Variants in MILR1 observed in about 807,000 individuals in gnomAD.
MILR1 encodes the protein allergin-1.
Under a neutral mutation model 18.5 loss-of-function variants are expected in MILR1, and 31 were observed. That is an observed-to-expected ratio of 1.68 (90% CI 1.26 to 2.26). The LOEUF is 2.26. Ranked by LOEUF, MILR1 falls within the 30% of genes most tolerant of loss-of-function variation. The pLI is 0.00. For synonymous variants in MILR1, 85 were observed against 56.2 expected (o/e 1.51, Z -2.30); for missense variants, 257 against 157.4 (o/e 1.63, Z -3.38).
intron 2 of MILR1, among the ~76,000 whole-genome samples, chr17:64,452,084 T>TTG (rs1397585658): frequency 7.4e-6 from 1 of 134,448 alleles, no homozygotes; most frequent in Admixed American, 7.1e-5. Flanking sequence ...CCAGCTATGT[T>TTG]TTTTTTTTTT....
At chr17:64,472,465 CAAAAAAAAAAAAAA>C (rs71158332), downstream of MILR1, among the ~76,000 whole-genome samples, 33 of 13,924 alleles carry the variant, frequency 2.4e-3, 1 homozygote, top group East Asian at 0.11. Flanking sequence ...GACTCCATCT[CAAAAAAAAAAAAAA>C]AAAAAAAAAA....
chr17:64,475,798 C>T, the MILR1 span, among the ~76,000 whole-genome samples: 1 of 148,886 alleles, frequency 6.7e-6, no homozygotes, highest in Non-Finnish European at 1.5e-5. Flanking sequence ...ACAGACACTA[C>T]TACCACTTCC....
At chr17:64,495,213 T>C in the MILR1 span, among the ~76,000 whole-genome samples, 10 of 148,730 alleles carry the variant, frequency 6.7e-5, no homozygotes, top group Non-Finnish European at 1.3e-4. Flanking sequence ...ATCTGGGCAC[T>C]AGGTGTGCTC....
chr17:64,465,328 T>A, intron 5 of MILR1, 124 bp from the exon 6 acceptor site: 1 of 688,034 alleles, frequency 1.5e-6, no homozygotes, highest in Non-Finnish European at 2.6e-6. Context: ...AGACAACAGT[T>A]TGGGCCATTG....
chr17:64,455,013 A>G (rs1256188820), intron 3 of MILR1, among the ~76,000 whole-genome samples: 1 of 152,102 alleles, frequency 6.6e-6, no homozygotes, highest in Admixed American at 6.6e-5. Flanking sequence ...GAAAAAAAAA[A>G]TCCCAATGAT....
At chr17:64,478,505 A>G in the MILR1 span, among the ~76,000 whole-genome samples, 4 of 152,338 alleles carry the variant, frequency 2.6e-5, no homozygotes, top group Admixed American at 6.5e-5. Flanking sequence ...AAGTCACACT[A>G]TCTCATTACT....
chr17:64,453,989 G>C (rs943390487), intron 3 of MILR1, among the ~76,000 whole-genome samples: 30 of 152,004 alleles, frequency 2.0e-4, no homozygotes, highest in Non-Finnish European at 3.1e-4. Flanking sequence ...GAGTGCAGTG[G>C]TGCGATCTCA....
chr17:64,496,796 T>C, the MILR1 span: 1 of 1,613,852 alleles, frequency 6.2e-7, no homozygotes. Flanking sequence ...CCCGGGGGCT[T>C]CTGGGTGCTC....
chr17:64,485,395 T>C, the MILR1 span: 1 of 304,248 alleles, frequency 3.3e-6, no homozygotes, highest in South Asian at 3.2e-5. Flanking sequence ...GATCCGGGTC[T>C]TTCTTCCTCC....
At chr17:64,492,991 T>C in the MILR1 span, 1 of 1,614,100 alleles carries the variant, frequency 6.2e-7, no homozygotes. Context: ...GTTTACCAGA[T>C]CCAGGCAATT....
chr17:64,497,015 CCAA>C, the MILR1 span: 7 of 1,543,834 alleles, frequency 4.5e-6, no homozygotes, highest in Non-Finnish European at 6.2e-6. Flanking sequence ...TCAACGGATC[CCAA>C]CAAGCCACCA....
chr17:64,485,191 C>A, the MILR1 span: 3 of 155,486 alleles, frequency 1.9e-5, no homozygotes, highest in African/African-American at 4.8e-5. Context: ...TTAATCATTT[C>A]TTTTCTCTCC....
the MILR1 span, among the ~76,000 whole-genome samples, chr17:64,479,054 A>C: frequency 6.6e-6 from 1 of 152,178 alleles, no homozygotes; most frequent in Non-Finnish European, 1.5e-5. Context: ...CACATGGCTC[A>C]AAGGATAAGA....
chr17:64,474,687 A>G, the MILR1 span, among the ~76,000 whole-genome samples: 1 of 151,726 alleles, frequency 6.6e-6, no homozygotes, highest in Non-Finnish European at 1.5e-5. Context: ...TTTTTTTTTC[A>G]GGGAGGAAAT....
chr17:64,471,829 C>T (rs139181151), downstream of MILR1, among the ~76,000 whole-genome samples: 596 of 152,212 alleles, frequency 3.9e-3, 1 homozygote, highest in African/African-American at 0.013. Flanking sequence ...AACAATGGAA[C>T]GGAAAGTCCA....
At chr17:64,491,925 T>TG in the MILR1 span, 1 of 120,352 alleles carries the variant, frequency 8.3e-6, no homozygotes, top group Non-Finnish European at 1.6e-5. Flanking sequence ...CTGGTACTTG[T>TG]GAAAAAAAAA....
chr17:64,493,840 G>C, the MILR1 span, among the ~76,000 whole-genome samples: 2 of 152,224 alleles, frequency 1.3e-5, no homozygotes, highest in East Asian at 3.9e-4. Flanking sequence ...CATATACAAT[G>C]AACACTTGTA....
the MILR1 span, chr17:64,481,492 T>C: frequency 1.4e-6 from 1 of 692,164 alleles, no homozygotes; most frequent in South Asian, 6.5e-5. Flanking sequence ...CTTAAGAGTA[T>C]TTAATCATTA....
downstream of MILR1, among the ~76,000 whole-genome samples, chr17:64,471,701 C>G (rs553178990): frequency 6.6e-6 from 1 of 152,336 alleles, no homozygotes; most frequent in East Asian, 1.9e-4. Flanking sequence ...CCTATAATCC[C>G]AATACCCTGG....
Sources: gnomAD v4.1 joint callset for allele counts (sites outside exome capture counted in the v4.1 genomes callset) on GRCh38, gnomAD v4.1.1 for gene constraint, MANE v1.5 for transcripts, NCBI Gene and HGNC (gene_info 2026-07-23, HGNC 2026-07-21) for gene names.